Variants in ARID1B observed in about 807,000 individuals in gnomAD.
ARID1B encodes the protein AT-rich interaction domain 1B, also known as AT-rich interactive domain-containing protein 1B.
Under a neutral mutation model 212.3 loss-of-function variants are expected in ARID1B, and 30 were observed. The observed-to-expected ratio is 0.14, with a 90% confidence interval of 0.11 to 0.19. The LOEUF is 0.19. ARID1B is among the 10% of genes least tolerant of loss of function. The pLI, the probability that ARID1B is intolerant of heterozygous loss-of-function variation, is 1.00. For missense variants in ARID1B, 2,891 were observed against 3,204.0 expected, an observed-to-expected ratio of 0.90 and a Z score of 2.36; for synonymous variants, 1,402 against 1,301.7, an observed-to-expected ratio of 1.08 and a Z score of -1.66.
chr6:156,956,597 T>C (rs562947510), intron 4 of ARID1B, among the ~76,000 whole-genome samples: 1 of 152,258 alleles, frequency 6.6e-6, no homozygotes, highest in East Asian at 1.9e-4. Context: ...GGATGACAGC[T>C]TCTTAGTCCA....
intron 12 of ARID1B, among the ~76,000 whole-genome samples, chr6:157,182,714 A>G (rs961630685): frequency 6.6e-6 from 1 of 152,166 alleles, no homozygotes; most frequent in Non-Finnish European, 1.5e-5. Context: ...GAGCTTGCCC[A>G]TGACGCTGCA....
chr6:156,911,616 T>C (rs1291082515), intron 3 of ARID1B, among the ~76,000 whole-genome samples: 1 of 152,210 alleles, frequency 6.6e-6, no homozygotes, highest in Non-Finnish European at 1.5e-5. Context: ...GTATAAAATT[T>C]CAAACATGAG....
intron 5 of ARID1B, among the ~76,000 whole-genome samples, chr6:157,103,248 C>T (rs573983618): frequency 1.0e-3 from 151 of 150,164 alleles, no homozygotes; most frequent in Non-Finnish European, 1.7e-3. Flanking sequence ...ATTAGCCATA[C>T]TTTTTTTTTT....
At chr6:157,151,415 T>C (rs1174945167) in intron 8 of ARID1B, 1 of 152,170 alleles carries the variant, frequency 6.6e-6, no homozygotes, top group Non-Finnish European at 1.5e-5. Flanking sequence ...ACCAAGCAAA[T>C]GTCTGTGCCA....
intron 3 of ARID1B, among the ~76,000 whole-genome samples, chr6:156,920,073 C>T (rs1790658303): frequency 6.6e-6 from 1 of 152,228 alleles, no homozygotes; most frequent in Admixed American, 6.5e-5. Flanking sequence ...AGTCCTAGTT[C>T]CCCAGACTCA....
intron 6 of ARID1B, among the ~76,000 whole-genome samples, chr6:157,131,644 G>C (rs919298101): frequency 1.3e-5 from 2 of 152,160 alleles, no homozygotes; most frequent in South Asian, 4.1e-4. Flanking sequence ...ACAGGGTCAC[G>C]TGTGCATTTT....
intron 8 of ARID1B, among the ~76,000 whole-genome samples, chr6:157,161,637 T>A (rs1315753216): frequency 6.6e-6 from 1 of 152,120 alleles, no homozygotes; most frequent in Non-Finnish European, 1.5e-5. Context: ...AAACATTTTT[T>A]ATAGGGCATC....
intron 6 of ARID1B, among the ~76,000 whole-genome samples, chr6:157,123,410 T>C (rs1459241961): frequency 1.3e-5 from 2 of 152,178 alleles, no homozygotes; most frequent in East Asian, 3.9e-4. Context: ...GCCAATTATT[T>C]CTGGAACCAT....
At chr6:156,978,097 A>G (rs997664014) in intron 4 of ARID1B, among the ~76,000 whole-genome samples, 1 of 152,168 alleles carries the variant, frequency 6.6e-6, no homozygotes, top group Non-Finnish European at 1.5e-5. Context: ...TCTGCCGAGT[A>G]TGGGAGGGAA....
chr6:156,893,982 G>T (rs1221536161), intron 2 of ARID1B, among the ~76,000 whole-genome samples: 1 of 152,120 alleles, frequency 6.6e-6, no homozygotes, highest in Non-Finnish European at 1.5e-5. Context: ...CCAGATATTT[G>T]TAAACCCCTA....
intron 11 of ARID1B, among the ~76,000 whole-genome samples, chr6:157,176,568 G>A (rs1028311747): frequency 1.3e-5 from 2 of 152,194 alleles, no homozygotes; most frequent in African/African-American, 2.4e-5. Context: ...ATTAAGGGCC[G>A]GGTGCGGTGG....
intron 3 of ARID1B, among the ~76,000 whole-genome samples, chr6:156,931,139 G>T (rs529776862): frequency 1.4e-5 from 2 of 142,632 alleles, no homozygotes. Flanking sequence ...GCAGGGAGCC[G>T]AGATTGCGCC....
intron 4 of ARID1B, among the ~76,000 whole-genome samples, chr6:157,083,713 A>G (rs1460203571): frequency 6.6e-6 from 1 of 152,184 alleles, no homozygotes; most frequent in East Asian, 1.9e-4. Flanking sequence ...ACGGTGAAAA[A>G]CTGGTATTAA....
chr6:156,982,633 G>T (rs1777674721), intron 4 of ARID1B, among the ~76,000 whole-genome samples: 1 of 151,722 alleles, frequency 6.6e-6, no homozygotes, highest in African/African-American at 2.4e-5. Context: ...ACTGTTTTCT[G>T]CGTGGGAGAT....
At chr6:157,010,751 G>T (rs1308910948) in intron 4 of ARID1B, among the ~76,000 whole-genome samples, 1 of 151,936 alleles carries the variant, frequency 6.6e-6, no homozygotes, top group Non-Finnish European at 1.5e-5. Flanking sequence ...AATTTTGCAT[G>T]TGTGAAACTG....
At position 156,860,000 on chromosome 6, in the gene ARID1B, G is replaced by A. The variant is rs550865507; in HGVS notation, c.1986+30579G>A. 3.3e-5 allele frequency among the ~76,000 whole-genome samples: 5 copies of A among 152,328 alleles called. No homozygotes were observed. The East Asian group carries it at 5.8e-4, about 18-fold the overall frequency. On this transcript the variant is annotated intron_variant, in intron 2 of 19. Coordinates refer to ENST00000636930, the MANE Select transcript of ARID1B (RefSeq NM_001374828.1). ...AGAGTTGGGTCACAGTACTGAGGCAGATTTGAGAATCTGATAAACCATGAA... is the reference window on the plus strand; with the variant it reads ...AGAGTTGGGTCACAGTACTGAGGCAAATTTGAGAATCTGATAAACCATGAA...
chr6:157,158,829 T>C lies in ARID1B; in HGVS notation c.3090-8211T>C, dbSNP rs553436489. 7.9e-5 allele frequency among the ~76,000 whole-genome samples: 12 copies of C among 152,328 alleles called. No individual in the cohort carries two copies. The South Asian group carries it at 2.5e-3, about 32-fold the overall frequency. On this transcript the variant is annotated intron_variant, in intron 8 of 19. Transcript: ENST00000636930. The stretch of plus-strand genomic sequence containing the variant: ...AACAGAGATCTTTTCTTAATGGTAC[T>C]ATGATCTCAAGATAAACTTTTTAAG...
intron 1 of ARID1B, among the ~76,000 whole-genome samples, chr6:156,802,619 A>C (rs1459104438): frequency 6.6e-6 from 1 of 152,220 alleles, no homozygotes; most frequent in African/African-American, 2.4e-5. Flanking sequence ...ATTTCTCAAG[A>C]TCCCCACCTA....
At chr6:156,997,094 T>G (rs1778637633) in intron 4 of ARID1B, among the ~76,000 whole-genome samples, 3 of 152,196 alleles carry the variant, frequency 2.0e-5, no homozygotes, top group Admixed American at 6.5e-5. Context: ...AACATATTAT[T>G]TTCACAAGTA....
Sources: gnomAD v4.1 joint callset for allele counts (sites outside exome capture counted in the v4.1 genomes callset) on GRCh38, gnomAD v4.1.1 for gene constraint, MANE v1.5 for transcripts, NCBI Gene and HGNC (gene_info 2026-07-23, HGNC 2026-07-21) for gene names.